ARSB: variants seen among roughly 807,000 people sequenced by gnomAD.
ARSB encodes the protein N-acetylgalactosamine-4-sulfatase.
Under a neutral mutation model 50.9 loss-of-function variants are expected in ARSB, and 41 were observed. That is an observed-to-expected ratio of 0.81 (90% confidence interval 0.63 to 1.04). The LOEUF is 1.04. Among genes scored for constraint, ARSB ranks in the 50% least tolerant of loss-of-function variants. ARSB has a pLI of 0.00. For synonymous variants in ARSB, 269 were observed against 284.8 expected (o/e 0.94, Z 0.56); for missense variants, 672 against 693.3 (o/e 0.97, Z 0.35).
chr5:78,979,525 G>T (rs917909778), intron 1 of ARSB, among the ~76,000 whole-genome samples: 3 of 152,238 alleles, frequency 2.0e-5, no homozygotes, highest in African/African-American at 7.2e-5. Context: ...CTGTGCACTG[G>T]GGTGGAGCCA....
At chr5:78,797,708 T>C (rs1743234230) in intron 6 of ARSB, among the ~76,000 whole-genome samples, 1 of 152,184 alleles carries the variant, frequency 6.6e-6, no homozygotes, top group Admixed American at 6.5e-5. Context: ...AGAGATCCTG[T>C]ATATTCAGCT....
chr5:78,935,811 T>C (rs889720576), intron 4 of ARSB, among the ~76,000 whole-genome samples: 1 of 151,868 alleles, frequency 6.6e-6, no homozygotes, highest in African/African-American at 2.4e-5. Flanking sequence ...TTTAAGTATC[T>C]TACCCAAGAT....
chr5:78,815,979 A>C, intron 6 of ARSB: 2 of 1,553,398 alleles, frequency 1.3e-6, no homozygotes, highest in Non-Finnish European at 1.7e-6. Flanking sequence ...CTCTTCTGCC[A>C]CTTCTGCAGG....
chr5:78,823,470 T>C (rs1744315732), intron 6 of ARSB, among the ~76,000 whole-genome samples: 1 of 152,206 alleles, frequency 6.6e-6, no homozygotes, highest in African/African-American at 2.4e-5. Context: ...TACCCATCCA[T>C]AGTACTTCCG....
intron 5 of ARSB, among the ~76,000 whole-genome samples, chr5:78,855,700 G>A (rs1223222449): frequency 6.6e-6 from 1 of 152,176 alleles, no homozygotes; most frequent in Non-Finnish European, 1.5e-5. Flanking sequence ...AGCTCCCTCA[G>A]CTAGGCTTAG....
At chr5:78,969,682 T>C (rs1752366073) in intron 1 of ARSB, among the ~76,000 whole-genome samples, 1 of 152,160 alleles carries the variant, frequency 6.6e-6, no homozygotes, top group Non-Finnish European at 1.5e-5. Context: ...AATGGCGCAA[T>C]CTTGGCTCAT....
chr5:78,822,243 A>C (rs10078690), intron 6 of ARSB, among the ~76,000 whole-genome samples: 61,887 of 152,054 alleles, frequency 0.41, 13,239 homozygotes, highest in African/African-American at 0.53. Flanking sequence ...GAGGAATAAC[A>C]TTGACCTGGA....
chr5:78,859,463 C>T (rs1746319512), intron 5 of ARSB, among the ~76,000 whole-genome samples: 1 of 152,064 alleles, frequency 6.6e-6, no homozygotes, highest in Non-Finnish European at 1.5e-5. Flanking sequence ...ACTAATATGC[C>T]TTTCTTCCAA....
intron 4 of ARSB, among the ~76,000 whole-genome samples, chr5:78,945,656 C>G (rs1018962020): frequency 6.6e-6 from 1 of 152,344 alleles, no homozygotes; most frequent in African/African-American, 2.4e-5. Context: ...TGCATGTGCA[C>G]AGGCCCCTTC....
In ARSB at chr5:78,984,919, G is replaced by GGCGGGGGCGGCGCGGGCT; in HGVS notation, c.312+17_312+18insAGCCCGCGCCGCCCCCGC. 1 of 1,317,944 alleles carries GGCGGGGGCGGCGCGGGCT rather than the reference G, an allele frequency of 7.6e-7. No individual in the cohort carries two copies. The allele number at this position is 1,317,944 out of a possible 1,614,324, so 81.6% of individuals were successfully genotyped here. A position where few individuals can be genotyped will look rare whatever the true frequency, so the allele number is the denominator to read the frequency against. On this transcript the variant is annotated intron_variant, in intron 1 of 7. Transcript: ENST00000264914. ...AAGGCGGGGCGGGGGCGGCGCGGGC[G>GGCGGGGGCGGCGCGGGCT]GCGGGGGCGCCGCGTACCTGGTAGC... is the stretch of plus-strand genomic sequence containing the variant.
chr5:78,925,981 C>T (rs1174646914), intron 4 of ARSB, among the ~76,000 whole-genome samples: 1 of 151,780 alleles, frequency 6.6e-6, no homozygotes, highest in Non-Finnish European at 1.5e-5. Flanking sequence ...GTGAGTTTGT[C>T]CATAGAAAGA....
In ARSB at chr5:78,969,128, T is replaced by A; in HGVS notation, c.377A>T (p.Glu126Val). The A allele has an allele frequency of 6.2e-7, 1 of 1,614,204 alleles. No homozygotes were observed. Residue 126 changes from glutamate (E) to valine (V), a missense_variant, in exon 2 of 8, where the codon GAA becomes GTA. By Grantham distance (121) the Glu-to-Val change is moderately radical (BLOSUM62 -2). Coordinates refer to ENST00000264914, the MANE Select transcript of ARSB (RefSeq NM_000046.5). ...PCQPSCVPLD[E>V]KLLPQLLKEA... ...TTTTAGGAGCTGGGGCAGGAGTTTT[T>A]CATCCAGAGGAACACAGCTGGGCTG...
chr5:78,959,595 A>G (rs1431996600), intron 3 of ARSB, among the ~76,000 whole-genome samples: 1 of 152,156 alleles, frequency 6.6e-6, no homozygotes, highest in Non-Finnish European at 1.5e-5. Context: ...AGGGGTTAAA[A>G]ATAAGAAACT....
rs920112028 is a variant in ARSB, at chr5:78,798,734, TG to T, written c.1214-16761del. 2.4e-4 allele frequency among the ~76,000 whole-genome samples: 37 copies of T among 152,326 alleles called. 1 individual carries two copies. The highest frequency in any genetic ancestry group is 2.1e-3 in the Admixed American group (32 of 15,300). On this transcript the variant is annotated intron_variant, in intron 6 of 7. Transcript: ENST00000264914. ...AATCAGCCTTTTAATGGCTGTCAGG[TG>T]GGCCTGCCCCCTCCGGGAAGCTTGG...
At chr5:78,780,979 AT>A (rs1748908478) in intron 7 of ARSB, among the ~76,000 whole-genome samples, 1 of 152,216 alleles carries the variant, frequency 6.6e-6, no homozygotes, top group Non-Finnish European at 1.5e-5. Flanking sequence ...CTTGCAATAC[AT>A]GGGACAATCC....
chr5:78,977,154 T>TCC (rs147027588), intron 1 of ARSB, among the ~76,000 whole-genome samples: 3 of 143,934 alleles, frequency 2.1e-5, no homozygotes, highest in East Asian at 3.9e-4. Context: ...TTTCTTTCTT[T>TCC]CCCCACTTCC....
chr5:78,888,580 T>C (rs6893857), intron 4 of ARSB, among the ~76,000 whole-genome samples: 46,425 of 152,190 alleles, frequency 0.31, 9,407 homozygotes, highest in African/African-American at 0.57. Flanking sequence ...TATTATGTAG[T>C]GTCCTTCAGT....
At chr5:78,794,880 G>A (rs1743124576) in intron 6 of ARSB, among the ~76,000 whole-genome samples, 1 of 152,168 alleles carries the variant, frequency 6.6e-6, no homozygotes, top group South Asian at 2.1e-4. Flanking sequence ...TTTTACCAGA[G>A]CTAATTAATA....
intron 1 of ARSB, among the ~76,000 whole-genome samples, chr5:78,979,076 A>C (rs1188552356): frequency 6.6e-6 from 1 of 152,230 alleles, no homozygotes; most frequent in South Asian, 2.1e-4. Context: ...CAAATAATCT[A>C]TCTAGTAAGG....
Sources: allele counts gnomAD v4.1 joint callset (sites outside exome capture counted in the v4.1 genomes callset), GRCh38; gene constraint gnomAD v4.1.1; transcripts MANE v1.5; gene names NCBI Gene and HGNC (gene_info 2026-07-23, HGNC 2026-07-21).